The following DMD variants were observed in gnomAD, a reference collection of about 807,000 sequenced individuals.
DMD encodes mutant dystrophin.
Under a neutral mutation model 330.1 loss-of-function variants are expected in DMD, and 63 were observed. The observed-to-expected ratio is 0.19, with a 90% CI of 0.16 to 0.24. The LOEUF (loss-of-function observed/expected upper bound fraction) is 0.24, where lower values mean the gene tolerates loss of function less well. Among genes scored for constraint, DMD ranks in the 10% least tolerant of loss-of-function variants. The pLI is 1.00. For missense variants in DMD, 3,344 were observed against 2,684.1 expected, an observed-to-expected ratio of 1.25 and a Z score of -5.43; for synonymous variants, 1,223 against 959.8, an observed-to-expected ratio of 1.27 and a Z score of -5.07.
chrX:31,726,976 G>A lies in DMD; in HGVS notation c.7660+2655C>T, dbSNP rs757845097. Reference sequence around the variant, plus strand: ...GCAGAGAGATACAAACTTGCCCTCCGGTCATTCAATTTTAATCTCTATCAT... The same window carrying A: ...GCAGAGAGATACAAACTTGCCCTCCAGTCATTCAATTTTAATCTCTATCAT... On this transcript the variant is annotated intron_variant, in intron 52 of 78. Coordinates refer to ENST00000357033, the MANE Select transcript of DMD (RefSeq NM_004006.3). Among the ~76,000 whole-genome samples the A allele has an allele frequency of 1.4e-4, 15 of 110,774 alleles. No individual in the cohort carries two copies. In the South Asian group the frequency reaches 2.3e-3, roughly 17 times the overall value.
intron 44 of DMD, among the ~76,000 whole-genome samples, chrX:32,205,744 T>C (rs2097065627): frequency 8.9e-6 from 1 of 111,743 alleles, no homozygotes. Context: ...AGGTGAAATG[T>C]AGAGAAGTGT....
At chrX:31,572,078 T>C (rs1206726113) in intron 55 of DMD, among the ~76,000 whole-genome samples, 1 of 110,728 alleles carries the variant, frequency 9.0e-6, no homozygotes, top group East Asian at 2.8e-4. Context: ...AACGGACCCC[T>C]GTGACACCGG....
chrX:33,047,072 C>A (rs2147972257), intron 1 of DMD, among the ~76,000 whole-genome samples: 1 of 111,486 alleles, frequency 9.0e-6, no homozygotes. Context: ...TTCTCTTGAC[C>A]CTATTGTATG....
intron 9 of DMD, among the ~76,000 whole-genome samples, chrX:32,668,418 G>T (rs1400477797): frequency 1.8e-5 from 2 of 111,612 alleles, no homozygotes; most frequent in East Asian, 5.6e-4. Context: ...TTTTCTAAAT[G>T]GAATAGTCTG....
chrX:31,293,203 T>TTGTGTG (rs2053867207), intron 62 of DMD, among the ~76,000 whole-genome samples: 5 of 45,872 alleles, frequency 1.1e-4, no homozygotes, highest in African/African-American at 3.0e-4. Context: ...TAGTCTGGTT[T>TTGTGTG]AGTGTGTGTG....
chrX:32,617,386 T>G (rs934646554), intron 11 of DMD, among the ~76,000 whole-genome samples: 5 of 111,267 alleles, frequency 4.5e-5, no homozygotes, highest in Admixed American at 1.9e-4. Flanking sequence ...TGGAACATAA[T>G]AGAGAACCCA....
At chrX:31,498,390 T>C (rs1016289802) in intron 56 of DMD, among the ~76,000 whole-genome samples, 1 of 112,015 alleles carries the variant, frequency 8.9e-6, no homozygotes, top group Non-Finnish European at 1.9e-5. Context: ...TTTAATTAAA[T>C]AGCTCTTAAT....
intron 2 of DMD, among the ~76,000 whole-genome samples, chrX:32,882,773 A>T (rs764591768): frequency 8.9e-6 from 1 of 111,938 alleles, no homozygotes; most frequent in African/African-American, 3.2e-5. Flanking sequence ...AGTAAAAAAT[A>T]AAATATTGTC....
rs773056322 is a variant in DMD, at chrX:33,252,150, C to G, written c.7+87109G>C. Among the ~76,000 whole-genome samples the G allele has an allele frequency of 7.2e-5, 8 of 111,549 alleles. No individual in the cohort carries two copies. In the South Asian group the frequency reaches 2.6e-3, roughly 36 times the overall value. ...ACAGCGTTTTCTCGTGTTCAAGAGG[C>G]ATGGTATTGAGAAACAATTTACAGA... On this transcript the variant is annotated intron_variant, in intron 1 of 17. Coordinates refer to the DMD transcript ENST00000288447.
intron 44 of DMD, among the ~76,000 whole-genome samples, chrX:32,040,520 C>T (rs1458389419): frequency 3.6e-5 from 4 of 111,687 alleles, no homozygotes; most frequent in Admixed American, 1.9e-4. Flanking sequence ...GAAAACCATA[C>T]CTTAAGAATG....
intron 60 of DMD, among the ~76,000 whole-genome samples, chrX:31,432,428 G>A (rs191041988): frequency 2.5e-4 from 28 of 112,289 alleles, no homozygotes; most frequent in Admixed American, 3.8e-4. Flanking sequence ...AAGTGAGAAA[G>A]TTTAGAAAGG....
intron 44 of DMD, among the ~76,000 whole-genome samples, chrX:32,125,521 G>T (rs147972962): frequency 1.8e-5 from 2 of 111,603 alleles, no homozygotes; most frequent in African/African-American, 3.3e-5. Flanking sequence ...AGGCAGGGGG[G>T]TATGTATATA....
intron 50 of DMD, among the ~76,000 whole-genome samples, chrX:31,778,565 AT>A (rs36164865): frequency 0.019 from 1,198 of 62,981 alleles, 20 homozygotes; most frequent in African/African-American, 0.07. Context: ...AAGTCCTGAA[AT>A]TTTTTTTTTT....
In DMD at chrX:33,324,349, G is replaced by A. The variant is rs373074806; in HGVS notation, c.7+14910C>T. On this transcript the variant is annotated intron_variant, in intron 1 of 17. Transcript: ENST00000288447. ...TCTCACCTGAGAAGCAAGAAAGGTAGGGTAGTTCCCACAAACTCCCATGTG... is the reference window on the plus strand; with the variant it reads ...TCTCACCTGAGAAGCAAGAAAGGTAAGGTAGTTCCCACAAACTCCCATGTG... Among the ~76,000 whole-genome samples the A allele has an allele frequency of 4.6e-4, 51 of 111,037 alleles. No individual in the cohort carries two copies. The East Asian group carries it at 0.013, about 29-fold the overall frequency.
In DMD at chrX:33,250,088, T is replaced by TAC. The variant is rs1491019102; in HGVS notation, c.7+89170_7+89171insGT. The stretch of plus-strand genomic sequence containing the variant: ...CCACATAGTAGTAAACTATTCATTA[T>TAC]ATATATATATATATATATATATATC... On this transcript the variant is annotated intron_variant, in intron 1 of 17. Coordinates refer to the DMD transcript ENST00000288447. Among the ~76,000 whole-genome samples the TAC allele has an allele frequency of 1.3e-4, 4 of 31,350 alleles. No individual in the cohort carries two copies. In the East Asian group the frequency reaches 2.3e-3, roughly 18 times the overall value. The allele number at this position is 31,350 out of a possible 115,157, so 27.2% of individuals were successfully genotyped here.
upstream of DMD, among the ~76,000 whole-genome samples, chrX:33,213,003 C>A (rs2051976431): frequency 9.0e-6 from 1 of 110,986 alleles, no homozygotes; most frequent in Admixed American, 9.7e-5. Flanking sequence ...AAACATAAAC[C>A]CTTGTTTAGG....
At position 31,461,163 on chromosome X, in the gene DMD, T is replaced by C. The variant is rs184208300; in HGVS notation, c.8938-16536A>G. 3.3e-4 allele frequency among the ~76,000 whole-genome samples: 37 copies of C among 111,880 alleles called. No homozygotes were observed. The East Asian group carries it at 0.01, about 30-fold the overall frequency. On this transcript the variant is annotated intron_variant, in intron 59 of 78. Coordinates refer to ENST00000357033, the MANE Select transcript of DMD (RefSeq NM_004006.3). ...TGCCTGCATTCATTTTTAAACTAAA[T>C]CTTCTGGATATTGATAAATATAAAA...
At chrX:33,251,197 G>C (rs1465295398) in intron 1 of DMD, among the ~76,000 whole-genome samples, 1 of 111,886 alleles carries the variant, frequency 8.9e-6, no homozygotes, top group Non-Finnish European at 1.9e-5. Context: ...GTAAGATTAA[G>C]AAAGTCACAG....
At chrX:32,440,990 T>C (rs1258994588) in intron 28 of DMD, among the ~76,000 whole-genome samples, 190 bp downstream of exon 28, 1 of 111,069 alleles carries the variant, frequency 9.0e-6, no homozygotes, top group African/African-American at 3.3e-5. Flanking sequence ...ATTTAAACCC[T>C]TTGCAAAATC....
Sources: gnomAD v4.1 joint callset for allele counts (sites outside exome capture counted in the v4.1 genomes callset) on GRCh38, gnomAD v4.1.1 for gene constraint, MANE v1.5 for transcripts, NCBI Gene and HGNC (gene_info 2026-07-23, HGNC 2026-07-21) for gene names.